The following SUPT3H variants were observed in gnomAD, a reference collection of about 807,000 sequenced individuals.
The protein encoded by SUPT3H is transcription initiation protein SPT3 homolog.
Under a neutral mutation model 44.3 loss-of-function variants are expected in SUPT3H, and 44 were observed. That is an observed-to-expected ratio of 0.99 (90% confidence interval 0.78 to 1.28). The LOEUF (loss-of-function observed/expected upper bound fraction) is 1.28, where lower values mean the gene tolerates loss of function less well. Among genes scored for constraint, SUPT3H ranks in the 50% most tolerant of loss-of-function variants. SUPT3H has a pLI of 0.00. For missense variants in SUPT3H, 380 were observed against 387.1 expected, an observed-to-expected ratio of 0.98 and a Z score of 0.15; for synonymous variants, 124 against 125.6, an observed-to-expected ratio of 0.99 and a Z score of 0.09.
intron 10 of SUPT3H, among the ~76,000 whole-genome samples, chr6:44,906,842 C>T (rs916964550): frequency 5.3e-5 from 8 of 152,308 alleles, no homozygotes; most frequent in African/African-American, 1.9e-4. Context: ...AGATGTTCTC[C>T]TGCTCTTGGC....
At chr6:44,935,390 C>A (rs578238522) in intron 9 of SUPT3H, among the ~76,000 whole-genome samples, 1 of 152,092 alleles carries the variant, frequency 6.6e-6, no homozygotes, top group Non-Finnish European at 1.5e-5. Flanking sequence ...GCTATAAACA[C>A]GTGTGAAGAG....
intron 2 of SUPT3H, among the ~76,000 whole-genome samples, chr6:45,275,912 C>G (rs906140226): frequency 6.6e-6 from 1 of 152,000 alleles, no homozygotes; most frequent in African/African-American, 2.4e-5. Flanking sequence ...AAAAGTCTCC[C>G]TCCTATTATT....
intron 10 of SUPT3H, among the ~76,000 whole-genome samples, chr6:44,877,090 C>G (rs960080461): frequency 6.6e-6 from 1 of 152,078 alleles, no homozygotes; most frequent in African/African-American, 2.4e-5. Context: ...ATAATGTAGC[C>G]TTCTTTACTC....
chr6:45,327,102 T>A (rs1786481138), intron 2 of SUPT3H, among the ~76,000 whole-genome samples: 1 of 151,930 alleles, frequency 6.6e-6, no homozygotes, highest in Non-Finnish European at 1.5e-5. Flanking sequence ...AGAAAATGAG[T>A]TCTATACATA....
chr6:45,195,680 T>G (rs1311619558), intron 2 of SUPT3H, among the ~76,000 whole-genome samples: 1 of 152,190 alleles, frequency 6.6e-6, no homozygotes, highest in Non-Finnish European at 1.5e-5. Context: ...TAGATTTAAA[T>G]GCAATGAAGA....
At chr6:44,945,090 CATT>C (rs1317781274) in intron 9 of SUPT3H, among the ~76,000 whole-genome samples, 1 of 151,792 alleles carries the variant, frequency 6.6e-6, no homozygotes, top group Non-Finnish European at 1.5e-5. Context: ...CAAATATTTT[CATT>C]ATTATTTTAT....
chr6:44,844,301 A>G (rs1299769246), intron 10 of SUPT3H, among the ~76,000 whole-genome samples: 1 of 152,180 alleles, frequency 6.6e-6, no homozygotes, highest in African/African-American at 2.4e-5. Context: ...AAGAAATAGG[A>G]CAAAATTTTT....
rs151241940 is a variant in SUPT3H at position 44,998,413 on chromosome 6, G to A, written c.504+5240C>T. ...TAAATAAATTGGTTACTAAATTATC[G>A]AGCATCTATGGCTATATCATTATTC... On this transcript the variant is annotated intron_variant, in intron 6 of 10. Transcript: ENST00000371459. 3.8e-3 allele frequency among the ~76,000 whole-genome samples: 571 copies of A among 151,862 alleles called. 5 individuals are homozygous for A. Among genetic ancestry groups the A allele is most frequent in the African/African-American group, 0.013 (533 of 41,494 alleles).
At chr6:44,989,590 G>T (rs538623217) in intron 6 of SUPT3H, among the ~76,000 whole-genome samples, 1 of 151,980 alleles carries the variant, frequency 6.6e-6, no homozygotes, top group Non-Finnish European at 1.5e-5. Flanking sequence ...GCTGTTTTCC[G>T]TAATGACTGT....
intron 2 of SUPT3H, among the ~76,000 whole-genome samples, chr6:45,111,967 A>G (rs550757481): frequency 1.2e-4 from 17 of 145,834 alleles, no homozygotes; most frequent in African/African-American, 4.5e-4. Flanking sequence ...AGGAAAAGTC[A>G]GTAACCATGA....
chr6:45,087,094 A>G (rs1478249851), intron 3 of SUPT3H, among the ~76,000 whole-genome samples: 1 of 151,990 alleles, frequency 6.6e-6, no homozygotes, highest in Non-Finnish European at 1.5e-5. Context: ...AGTCTTTTGT[A>G]ACCTTGGCTA....
intron 2 of SUPT3H, among the ~76,000 whole-genome samples, chr6:45,183,213 A>G (rs1209249699): frequency 6.6e-6 from 1 of 152,246 alleles, no homozygotes; most frequent in African/African-American, 2.4e-5. Flanking sequence ...TAAGCCAGAC[A>G]CAAAAAGACA....
intron 3 of SUPT3H, among the ~76,000 whole-genome samples, chr6:45,073,027 C>T (rs1247369063): frequency 6.6e-6 from 1 of 152,052 alleles, no homozygotes; most frequent in Non-Finnish European, 1.5e-5. Flanking sequence ...TGTTTATTTG[C>T]CTAAATATGA....
At chr6:45,194,822 T>A (rs988954619) in intron 2 of SUPT3H, among the ~76,000 whole-genome samples, 8 of 152,160 alleles carry the variant, frequency 5.3e-5, no homozygotes, top group Admixed American at 2.6e-4. Context: ...CCCAATCTCA[T>A]CCTAAGTAGT....
intron 2 of SUPT3H, among the ~76,000 whole-genome samples, chr6:45,294,989 G>C (rs1009361503): frequency 6.6e-6 from 1 of 151,840 alleles, no homozygotes; most frequent in Non-Finnish European, 1.5e-5. Flanking sequence ...CTGAATTAGA[G>C]AAAAACAATT....
At chr6:44,963,759 G>C (rs1251287598) in intron 6 of SUPT3H, among the ~76,000 whole-genome samples, 1 of 152,190 alleles carries the variant, frequency 6.6e-6, no homozygotes, top group East Asian at 1.9e-4. Flanking sequence ...CAGCACTTTC[G>C]AAGGCTGAGG....
At chr6:44,831,782 T>C (rs1287173235) in intron 10 of SUPT3H, among the ~76,000 whole-genome samples, 4 of 152,048 alleles carry the variant, frequency 2.6e-5, no homozygotes, top group African/African-American at 9.7e-5. Context: ...AATAACCAGG[T>C]TTTAATCTTT....
In SUPT3H at chr6:45,106,025, C is replaced by T; in HGVS notation, c.102-19G>A. Reference sequence around the variant, plus strand: ...AGAATACCTGCAAAATAATTTTAAACACACCAATATTAAGGACTATAAAAC... The same window carrying T: ...AGAATACCTGCAAAATAATTTTAAATACACCAATATTAAGGACTATAAAAC... On this transcript the variant is annotated intron_variant, in intron 2 of 10. Transcript: ENST00000371459. 6.3e-7 allele frequency: 1 copy of T among 1,587,824 alleles called. No individual in the cohort carries two copies. Among genetic ancestry groups the T allele is most frequent in the Non-Finnish European group, 8.6e-7 (1 of 1,156,908 alleles).
chr6:45,368,910 C>T (rs950541779), intron 1 of SUPT3H, among the ~76,000 whole-genome samples: 2 of 151,786 alleles, frequency 1.3e-5, no homozygotes, highest in African/African-American at 2.4e-5. Context: ...ACTGAGTTTT[C>T]GTTTTGTTGT....
Sources: gnomAD v4.1 joint callset for allele counts (sites outside exome capture counted in the v4.1 genomes callset) on GRCh38, gnomAD v4.1.1 for gene constraint, MANE v1.5 for transcripts, NCBI Gene and HGNC (gene_info 2026-07-23, HGNC 2026-07-21) for gene names.